USP34: variants seen among roughly 807,000 people sequenced by gnomAD.
USP34 encodes the protein ubiquitin specific peptidase 34, also known as ubiquitin carboxyl-terminal hydrolase 34.
In USP34, 70 loss-of-function variants were observed where a neutral mutation model predicts 460.3. That is an observed-to-expected ratio of 0.15 (90% CI 0.13 to 0.19). The LOEUF (loss-of-function observed/expected upper bound fraction) is 0.19, where lower values mean the gene tolerates loss of function less well. Among genes scored for constraint, USP34 ranks in the 10% least tolerant of loss-of-function variants. The pLI, the probability that USP34 is intolerant of heterozygous loss-of-function variation, is 1.00. For missense variants in USP34, 3,985 were observed against 4,236.2 expected (o/e 0.94, Z 1.65); for synonymous variants, 1,647 against 1,405.3 (o/e 1.17, Z -3.85).
rs778319016 is a variant in USP34 at position 61,236,174 on chromosome 2, A to G, written c.6905T>C (p.Leu2302Ser). 2 of 1,610,484 alleles carry G rather than the reference A, an allele frequency of 1.2e-6. No individual in the cohort carries two copies. The highest frequency in any genetic ancestry group is 1.7e-6 in the Non-Finnish European group (2 of 1,178,750). The change falls in exon 55 of 80, where the codon TTA becomes TCA. Residue 2302 changes from leucine to serine, a missense_variant. Physicochemically the swap from Leu to Ser is moderately radical, Grantham distance 145 (BLOSUM62 -2). Around this residue, in one of 14 missense-constraint regions of USP34, gnomAD observed 604 missense variants for 684.8 expected, o/e 0.88. Coordinates refer to ENST00000398571, the MANE Select transcript of USP34 (RefSeq NM_014709.4). ...STLPDPKAVS[L>S]MTAKLSTSFV... is the part of the protein sequence containing the mutation. ...TATATTTATTACCTTTGCTGTCATT[A>G]AGGACACAGCTTTAGGATCTGGTAA...
At chr2:61,377,098 T>A (rs1031109026) in intron 8 of USP34, among the ~76,000 whole-genome samples, 1 of 152,196 alleles carries the variant, frequency 6.6e-6, no homozygotes, top group Non-Finnish European at 1.5e-5. Flanking sequence ...TTGCCAGAGA[T>A]GAATAACTCA....
At chr2:61,365,790 G>A (rs1177882917) in intron 10 of USP34, among the ~76,000 whole-genome samples, 3 of 152,108 alleles carry the variant, frequency 2.0e-5, no homozygotes, top group African/African-American at 7.2e-5. Flanking sequence ...GGTGGAAAAT[G>A]AGAAAGGAGA....
At chr2:61,366,553 A>G (rs530419751) in intron 10 of USP34, among the ~76,000 whole-genome samples, 15 of 152,356 alleles carry the variant, frequency 9.8e-5, no homozygotes, top group African/African-American at 3.6e-4. Context: ...AGATACTGGT[A>G]CCACTGTACA....
chr2:61,347,565 G>A (rs1450348627), intron 15 of USP34, among the ~76,000 whole-genome samples: 1 of 152,034 alleles, frequency 6.6e-6, no homozygotes, highest in Non-Finnish European at 1.5e-5. Flanking sequence ...GTAGAGATGG[G>A]GTTTCACCAT....
rs1691516304 is a variant in USP34 at position 61,339,244 on chromosome 2, A to G, written c.2744+107T>C. On this transcript the variant is annotated intron_variant, in intron 18 of 79. Transcript: ENST00000398571. ...TATAATTACTAAAAAACAGATTAATACAGGTATATGAAACAGTATAAAAAC... is the reference window on the plus strand; with the variant it reads ...TATAATTACTAAAAAACAGATTAATGCAGGTATATGAAACAGTATAAAAAC... 6.4e-6 allele frequency: 7 copies of G among 1,087,034 alleles called. No homozygotes were observed. In the East Asian group the frequency reaches 1.6e-4, roughly 24 times the overall value. The allele number at this position is 1,087,034 out of a possible 1,614,324, so 67.3% of individuals were successfully genotyped here. A position where few individuals can be genotyped will look rare whatever the true frequency, so the allele number is the denominator to read the frequency against.
At chr2:61,233,283 G>A (rs1047749269) in intron 57 of USP34, among the ~76,000 whole-genome samples, 7 of 152,118 alleles carry the variant, frequency 4.6e-5, no homozygotes. Context: ...GAAGGAAACA[G>A]AGGAACATGT....
At chr2:61,343,789 A>G in intron 16 of USP34, 26 bp downstream of exon 16, 5 of 1,595,216 alleles carry the variant, frequency 3.1e-6, no homozygotes, top group Non-Finnish European at 4.3e-6. Context: ...AGAAGGTAAT[A>G]TATTTTACTT....
At chr2:61,454,862 T>C (rs925867158) in intron 1 of USP34, among the ~76,000 whole-genome samples, 1 of 90,444 alleles carries the variant, frequency 1.1e-5, no homozygotes, top group African/African-American at 4.4e-5. Context: ...TAGTGGGGTT[T>C]TTTTTTTCTT....
intron 26 of USP34, 40 bp downstream of exon 26, chr2:61,311,744 G>T: frequency 1.2e-6 from 2 of 1,609,984 alleles, no homozygotes; most frequent in Non-Finnish European, 1.7e-6. Context: ...ATTTGACCTG[G>T]GAAATGTTAT....
chr2:61,460,546 A>C (rs760528932), intron 1 of USP34, among the ~76,000 whole-genome samples: 2 of 152,194 alleles, frequency 1.3e-5, no homozygotes, highest in African/African-American at 4.8e-5. Context: ...AATAATGAGA[A>C]AAAAAACAGT....
chr2:61,220,402 C>T lies in USP34; in HGVS notation c.7955G>A (p.Arg2652Gln). 6.2e-6 allele frequency: 10 copies of T among 1,613,906 alleles called. No individual in the cohort carries two copies. The highest frequency in any genetic ancestry group is 8.5e-6 in the Non-Finnish European group (10 of 1,179,920). ...CLDWLAVQTP[R>Q]NKLAHSWVLQ... ...GACCCAGCTGTGTGCCAGTTTATTTCGGGGTGTCTGCACTGCCAACCAATC... is the reference window on the plus strand; with the variant it reads ...GACCCAGCTGTGTGCCAGTTTATTTTGGGGTGTCTGCACTGCCAACCAATC... The change falls in exon 67 of 80, where the codon CGA becomes CAA. Residue 2652 changes from arginine to glutamine, a missense_variant. Physicochemically the swap from Arg to Gln is conservative, Grantham distance 43. Transcript: ENST00000398571.
chr2:61,275,674 TG>T (rs1420861926), intron 41 of USP34, among the ~76,000 whole-genome samples: 1 of 151,402 alleles, frequency 6.6e-6, no homozygotes, highest in Non-Finnish European at 1.5e-5. Flanking sequence ...CTAAGATAGG[TG>T]AAAAAAAGCA....
chr2:61,436,360 G>A (rs1458669001), intron 1 of USP34, among the ~76,000 whole-genome samples: 1 of 152,126 alleles, frequency 6.6e-6, no homozygotes, highest in Non-Finnish European at 1.5e-5. Flanking sequence ...TGAAAGGACG[G>A]GAAAAGACAT....
chr2:61,229,209 T>A (rs1415382854), intron 59 of USP34, among the ~76,000 whole-genome samples: 1 of 152,030 alleles, frequency 6.6e-6, no homozygotes, highest in Non-Finnish European at 1.5e-5. Context: ...GATGCAAAAT[T>A]TAAATAAAAC....
chr2:61,214,029 AT>A, intron 68 of USP34, 30 bp downstream of exon 68: 10 of 1,611,864 alleles, frequency 6.2e-6, no homozygotes, highest in Non-Finnish European at 7.6e-6. Context: ...CTATTTGAGG[AT>A]ACAGATAAAA....
chr2:61,259,995 C>G (rs540067992), intron 43 of USP34, among the ~76,000 whole-genome samples: 7 of 151,976 alleles, frequency 4.6e-5, no homozygotes, highest in Admixed American at 4.6e-4. Flanking sequence ...ATAAGGAAAC[C>G]GAAGAGAGAA....
At position 61,311,858 on chromosome 2, in the gene USP34, G is replaced by A; in HGVS notation, c.3595C>T (p.His1199Tyr). The A allele has an allele frequency of 1.2e-6, 2 of 1,613,980 alleles. No homozygotes were observed. Among genetic ancestry groups the A allele is most frequent in the Non-Finnish European group, 1.7e-6 (2 of 1,179,934 alleles). Residue 1199 changes from histidine (H) to tyrosine (Y), a missense_variant, in exon 26 of 80, where the codon CAT becomes TAT. Transcript: ENST00000398571. ...WQIEGTGISS[H>Y]LKALSDKQSL... ...TGTTTGTCACTCAGTGCTTTCAAATGACTACTAATACCAGTGCCTTCAATT... is the reference window on the plus strand; with the variant it reads ...TGTTTGTCACTCAGTGCTTTCAAATAACTACTAATACCAGTGCCTTCAATT...
intron 66 of USP34, among the ~76,000 whole-genome samples, chr2:61,220,979 C>G (rs370858561): frequency 1.8e-4 from 28 of 152,094 alleles, no homozygotes; most frequent in African/African-American, 6.8e-4. Flanking sequence ...ACCCATAACC[C>G]ACTCATTTCT....
intron 1 of USP34, among the ~76,000 whole-genome samples, chr2:61,425,139 G>T (rs561816744): frequency 2.5e-4 from 38 of 152,144 alleles, no homozygotes; most frequent in Middle Eastern, 3.4e-3. Flanking sequence ...GAAAACAGGT[G>T]GGAGGCAGAG....
Sources: allele counts gnomAD v4.1 joint callset (sites outside exome capture counted in the v4.1 genomes callset), GRCh38; gene constraint gnomAD v4.1.1; regional missense constraint gnomAD v4.1.1; transcripts MANE v1.5; gene names NCBI Gene and HGNC (gene_info 2026-07-23, HGNC 2026-07-21).